Variants in RASGRP2 observed in about 807,000 individuals in gnomAD.
RASGRP2 encodes RAS guanyl-releasing protein 2.
RASGRP2 carries 44 observed loss-of-function variants against 71.0 expected under a neutral mutation model. The ratio of observed to expected loss-of-function variants is 0.62; its 90% confidence interval spans 0.49 to 0.80. The LOEUF (loss-of-function observed/expected upper bound fraction) is 0.80. Among genes scored for constraint, RASGRP2 ranks in the 30% least tolerant of loss-of-function variants. RASGRP2 has a pLI of 0.00. For synonymous variants in RASGRP2, 350 were observed against 330.7 expected (o/e 1.06, Z -0.63); for missense variants, 663 against 813.4 (o/e 0.82, Z 2.25).
chr11:64,727,578 TCTCGGC>T (rs2057611188), intron 15 of RASGRP2, among the ~76,000 whole-genome samples: 1 of 147,418 alleles, frequency 6.8e-6, no homozygotes, highest in South Asian at 2.2e-4. Context: ...AATGGCGCAA[TCTCGGC>T]TCTCTGCAAC....
Position 64,739,367 on chromosome 11 carries a change from G to T in RASGRP2, c.806C>A (p.Thr269Asn). The T allele has an allele frequency of 6.2e-7, 1 of 1,613,918 alleles. No homozygotes were observed. The highest frequency in any genetic ancestry group is 8.5e-7 in the Non-Finnish European group (1 of 1,179,820). Residue 269 changes from threonine to asparagine, a missense_variant, in exon 8 of 17, where the codon ACC becomes AAC. Coordinates refer to ENST00000394432, the MANE Select transcript of RASGRP2 (RefSeq NM_001098671.2). This position sits in a 1 kb window ranked among gnomAD's most constrained non-coding sequence, Gnocchi z 4.2. ...CTCCCCAGTCCCAGGCACCTTGATG[G>T]TCTCAGGGCTAACGTGGCTGTGGGT... ...KETHSHVSPE[T>N]IKLWEGLTEL...
In RASGRP2 at chr11:64,729,965, G is replaced by C. The variant is rs569851171; in HGVS notation, c.1554+88C>G. 466 of 1,526,298 alleles carry C rather than the reference G, an allele frequency of 3.1e-4. 1 individual carries two copies. The highest frequency in any genetic ancestry group is 3.8e-4 in the Non-Finnish European group (431 of 1,128,268). 94.5% of individuals were successfully genotyped at this position (1,526,298 alleles called of 1,614,324 possible). ...ACCAGGTTTTCCTGGCTTGAGAAGG[G>C]CTCTGGCAGAGGCGGGGCCAGAAGG... On this transcript the variant is annotated intron_variant, in intron 13 of 16. Coordinates refer to ENST00000394432, the MANE Select transcript of RASGRP2 (RefSeq NM_001098671.2).
Position 64,739,626 on chromosome 11 carries a change from G to A in RASGRP2, c.696+10C>T, listed in dbSNP as rs752940950. 6.8e-6 allele frequency: 11 copies of A among 1,612,818 alleles called. No individual in the cohort carries two copies. The highest frequency in any genetic ancestry group is 2.7e-5 in the African/African-American group (2 of 74,884). Reference sequence around the variant, plus strand: ...GTGGTTGGGAGACACCGGGAGGGAGGGGCAGGCACCTCCGCCACGTGGACA... The same window carrying A: ...GTGGTTGGGAGACACCGGGAGGGAGAGGCAGGCACCTCCGCCACGTGGACA... On this transcript the variant is annotated intron_variant, in intron 7 of 16. Coordinates refer to ENST00000394432, the MANE Select transcript of RASGRP2 (RefSeq NM_001098671.2). This position sits in a 1 kb window ranked among gnomAD's most constrained non-coding sequence, Gnocchi z 4.2.
At chr11:64,736,261 T>C (rs1565509589) in intron 9 of RASGRP2, among the ~76,000 whole-genome samples, 1 of 151,966 alleles carries the variant, frequency 6.6e-6, no homozygotes, top group Non-Finnish European at 1.5e-5. Flanking sequence ...TCAACCCTGA[T>C]CCCCTCCAGA....
rs1264671485 is a variant in RASGRP2, at chr11:64,743,199, C to T, written c.-71-262G>A. 3.6e-6 allele frequency: 2 copies of T among 552,350 alleles called. No homozygotes were observed. The highest frequency in any genetic ancestry group is 6.9e-6 in the Non-Finnish European group (2 of 289,496). The allele number at this position is 552,350 out of a possible 1,614,324, so 34.2% of individuals were successfully genotyped here. On this transcript the variant is annotated intron_variant, in intron 1 of 16. Coordinates refer to ENST00000394432, the MANE Select transcript of RASGRP2 (RefSeq NM_001098671.2). The surrounding 1 kb of genome is among the most constrained non-coding windows in gnomAD (Gnocchi z 4.9). Reference sequence around the variant, plus strand: ...CACGAGGATGGGGACGAACCAAGATCCCAGGACTGGCTGGCGCCCAGCCCC... The same window carrying T: ...CACGAGGATGGGGACGAACCAAGATTCCAGGACTGGCTGGCGCCCAGCCCC...
chr11:64,740,199 A>G lies in RASGRP2; in HGVS notation c.372-36T>C, dbSNP rs2058077045. On this transcript the variant is annotated intron_variant, in intron 5 of 16. Transcript: ENST00000394432. ...AGGGGTAGTGAGCCCTTTGCTGGAC[A>G]TGCGCATGACTCGTGGCCCCCCACT... 2.5e-6 allele frequency: 4 copies of G among 1,613,228 alleles called. No homozygotes were observed. The Admixed American group carries it at 5.0e-5, about 20-fold the overall frequency.
chr11:64,744,380 G>A, upstream of RASGRP2: 1 of 950,178 alleles, frequency 1.1e-6, no homozygotes, highest in Non-Finnish European at 1.3e-6. Flanking sequence ...GTTCTCAGGC[G>A]GACTTTTCCT....
In RASGRP2 at chr11:64,739,747, C is replaced by T. The variant is rs764861080; in HGVS notation, c.585G>A (p.Arg195=). Residue 195 remains arginine (R), a synonymous_variant, in exon 7 of 17, where the codon CGG becomes CGA. Transcript: ENST00000394432. The surrounding 1 kb of genome is among the most constrained non-coding windows in gnomAD (Gnocchi z 4.2). ...GCTVDNPVLE[R]FISLFNSVSQ... is the part of the protein sequence containing the mutation. ...AGACGCTGTTGAAGAGGGAGATGAA[C>T]CGCTCCAGGACGGGGTTGTCCACAG... The T allele has an allele frequency of 3.7e-6, 6 of 1,613,766 alleles. No individual in the cohort carries two copies. The highest frequency in any genetic ancestry group is 1.7e-5 in the Admixed American group (1 of 59,994).
Position 64,743,068 on chromosome 11 carries a change from G to T in RASGRP2, c.-71-131C>A. On this transcript the variant is annotated intron_variant, in intron 1 of 16. Transcript: ENST00000394432. The surrounding 1 kb of genome is among the most constrained non-coding windows in gnomAD (Gnocchi z 4.9). ...GGAGTTGTCCCCCGCGGCCACTCCC[G>T]GGGTTAAACGGTCTGGCCCGGGATG... 1 of 1,032,424 alleles carries T rather than the reference G, an allele frequency of 9.7e-7. No homozygotes were observed. The highest frequency in any genetic ancestry group is 1.4e-6 in the Non-Finnish European group (1 of 689,974). 64.0% of individuals were successfully genotyped at this position (1,032,424 alleles called of 1,614,324 possible).
intron 3 of RASGRP2, 42 bp downstream of exon 3, chr11:64,741,968 G>T: frequency 6.5e-7 from 1 of 1,544,362 alleles, no homozygotes; most frequent in South Asian, 1.1e-5. Flanking sequence ...GCTGCGCATG[G>T]GCTCCGACGG....
intron 12 of RASGRP2, among the ~76,000 whole-genome samples, chr11:64,731,369 A>G (rs889457623): frequency 6.6e-5 from 10 of 151,754 alleles, no homozygotes; most frequent in Non-Finnish European, 1.3e-4. Context: ...GAAAAAAAAA[A>G]AAAAAAGAAA....
chr11:64,743,620 C>T lies in RASGRP2; in HGVS notation c.-72+383G>A. On this transcript the variant is annotated intron_variant, in intron 1 of 16. Coordinates refer to ENST00000394432, the MANE Select transcript of RASGRP2 (RefSeq NM_001098671.2). This position sits in a 1 kb window ranked among gnomAD's most constrained non-coding sequence, Gnocchi z 4.9. ...GCTCCCAGGCCACCTCCGCAAAGGT[C>T]CCAGGGGTCCCGGCTCAGCTTGTCC... is the stretch of plus-strand genomic sequence containing the variant. 1 of 412,862 alleles carries T rather than the reference C, an allele frequency of 2.4e-6. No homozygotes were observed. The highest frequency in any genetic ancestry group is 4.8e-6 in the Non-Finnish European group (1 of 208,540). The allele number at this position is 412,862 out of a possible 1,614,324, so 25.6% of individuals were successfully genotyped here. A position where few individuals can be genotyped will look rare whatever the true frequency, so the allele number is the denominator to read the frequency against.
intron 8 of RASGRP2, among the ~76,000 whole-genome samples, chr11:64,737,678 C>CAA (rs59836204): frequency 2.2e-5 from 2 of 91,156 alleles, no homozygotes; most frequent in Admixed American, 1.1e-4. Context: ...GACTCCATCT[C>CAA]AAAAAAAAAA....
upstream of RASGRP2, chr11:64,744,419 G>T: frequency 1.8e-6 from 1 of 541,226 alleles, no homozygotes; most frequent in Non-Finnish European, 2.4e-6. Flanking sequence ...TCCCCGCCTG[G>T]CTCTACCGCT....
intron 4 of RASGRP2, 143 bp downstream of exon 4, chr11:64,741,296 G>A (rs1204160592): frequency 3.6e-6 from 4 of 1,098,072 alleles, no homozygotes; most frequent in Admixed American, 2.0e-5. Flanking sequence ...GAAGGGGTGA[G>A]CCTGTGGCAG....
intron 8 of RASGRP2, chr11:64,737,338 TG>T: frequency 2.3e-6 from 1 of 428,772 alleles, no homozygotes; most frequent in Non-Finnish European, 4.3e-6. Context: ...GACAATGACC[TG>T]GAAGAACATA....
At chr11:64,744,393 G>A (rs2058240053), upstream of RASGRP2, 2 of 821,318 alleles carry the variant, frequency 2.4e-6, no homozygotes, top group African/African-American at 3.7e-5. Context: ...CTTTTCCTAA[G>A]AGCCACCCAG....
In RASGRP2 at chr11:64,741,093, G is replaced by T; in HGVS notation, c.240-14C>A. On this transcript the variant is annotated splice_polypyrimidine_tract_variant and intron_variant, in intron 4 of 16. Transcript: ENST00000394432. ...GAGATCCAGTACCTGGAGGAGCGGG[G>T]AGTCACCCAAGATAGCCCTTCCCCC... 6.2e-7 allele frequency: 1 copy of T among 1,611,138 alleles called. No homozygotes were observed.
In RASGRP2 at chr11:64,743,053, C is replaced by T. The variant is rs1411688224; in HGVS notation, c.-71-116G>A. ...CTGCTGGACAGGGGCGGAGTTGTCC[C>T]CCGCGGCCACTCCCGGGGTTAAACG... is the stretch of plus-strand genomic sequence containing the variant. On this transcript the variant is annotated intron_variant, in intron 1 of 16. Transcript: ENST00000394432. The surrounding 1 kb of genome is among the most constrained non-coding windows in gnomAD (Gnocchi z 4.9). The T allele has an allele frequency of 8.5e-7, 1 of 1,170,770 alleles. No individual in the cohort carries two copies. The highest frequency in any genetic ancestry group is 1.2e-6 in the Non-Finnish European group (1 of 816,600). The allele number at this position is 1,170,770 out of a possible 1,614,324, so 72.5% of individuals were successfully genotyped here. A position where few individuals can be genotyped will look rare whatever the true frequency, so the allele number is the denominator to read the frequency against.
Sources: gnomAD v4.1 joint callset for allele counts (sites outside exome capture counted in the v4.1 genomes callset) on GRCh38, gnomAD v4.1.1 for gene constraint, Gnocchi (gnomAD v3.1) non-coding constraint, MANE v1.5 for transcripts, NCBI Gene and HGNC (gene_info 2026-07-23, HGNC 2026-07-21) for gene names.